Variants in TEX36 observed in about 807,000 individuals in gnomAD.
TEX36 encodes testis-expressed protein 36.
In TEX36, 12 loss-of-function variants were observed where a neutral mutation model predicts 13.6. That is an observed-to-expected ratio of 0.88 (90% CI 0.56 to 1.43). The LOEUF (loss-of-function observed/expected upper bound fraction) is 1.43, where lower values mean the gene tolerates loss of function less well. TEX36 is among the 40% of genes most tolerant of loss of function. The pLI is 0.00. For missense variants in TEX36, 224 were observed against 228.3 expected, an observed-to-expected ratio of 0.98 and a Z score of 0.12; for synonymous variants, 93 against 83.0, an observed-to-expected ratio of 1.12 and a Z score of -0.65.
downstream of TEX36, among the ~76,000 whole-genome samples, chr10:125,620,195 A>G (rs1846412603): frequency 6.6e-6 from 1 of 152,194 alleles, no homozygotes; most frequent in African/African-American, 2.4e-5. Flanking sequence ...ATATACTACT[A>G]CATTCCTTCC....
intron 3 of TEX36, among the ~76,000 whole-genome samples, chr10:125,613,217 CTTT>C (rs71029263): frequency 4.5e-4 from 52 of 116,776 alleles, no homozygotes; most frequent in African/African-American, 1.4e-3. Flanking sequence ...TCCCCACTTC[CTTT>C]TTTTTTTTTT....
At chr10:125,680,290 C>G (rs1382786233) in intron 1 of TEX36, among the ~76,000 whole-genome samples, 4 of 152,270 alleles carry the variant, frequency 2.6e-5, no homozygotes, top group East Asian at 1.9e-4. Context: ...AATGATGTCT[C>G]TCACCAGTTA....
intron 3 of TEX36, among the ~76,000 whole-genome samples, chr10:125,601,280 G>T (rs1290134991): frequency 6.6e-6 from 1 of 152,182 alleles, no homozygotes; most frequent in Non-Finnish European, 1.5e-5. Context: ...TAGTATTAAA[G>T]AAACTATAAT....
chr10:125,600,880 C>T lies in TEX36; in HGVS notation c.265-24006G>A, dbSNP rs116435508. On this transcript the variant is annotated intron_variant, in intron 3 of 3. Transcript: ENST00000532135. ...TGCAACTGTGAGACACTGAATACCG[C>T]GGCCCATTTCTATCTGGATCCTACC... Among the ~76,000 whole-genome samples, 330 of 152,332 alleles carry T rather than the reference C, an allele frequency of 2.2e-3. 1 individual carries two copies. Among genetic ancestry groups the T allele is most frequent in the African/African-American group, 7.2e-3 (299 of 41,578 alleles).
At chr10:125,618,592 G>A (rs1348224378), downstream of TEX36, among the ~76,000 whole-genome samples, 1 of 152,066 alleles carries the variant, frequency 6.6e-6, no homozygotes, top group Non-Finnish European at 1.5e-5. Context: ...TCTCAGTTAG[G>A]CTGCTCGGGG....
chr10:125,682,169 C>T (rs181251832), intron 1 of TEX36, among the ~76,000 whole-genome samples: 86 of 152,130 alleles, frequency 5.7e-4, no homozygotes, highest in African/African-American at 1.9e-3. Flanking sequence ...TGAGGCTTGT[C>T]GGCCATGAAA....
At chr10:125,661,778 G>A (rs143081958) in intron 2 of TEX36, 68 bp downstream of exon 2, 2 of 1,527,396 alleles carry the variant, frequency 1.3e-6, no homozygotes, top group Non-Finnish European at 1.8e-6. Flanking sequence ...TTGGCCCAAC[G>A]TGCCAGCGGC....
At chr10:125,637,323 A>G (rs1846634474) in intron 3 of TEX36, among the ~76,000 whole-genome samples, 1 of 151,696 alleles carries the variant, frequency 6.6e-6, no homozygotes, top group Admixed American at 6.6e-5. Flanking sequence ...AAAAAAAAAA[A>G]GTATAATTAT....
At chr10:125,615,127 G>C (rs1208601103) in intron 3 of TEX36, among the ~76,000 whole-genome samples, 1 of 152,116 alleles carries the variant, frequency 6.6e-6, no homozygotes, top group African/African-American at 2.4e-5. Flanking sequence ...TTTGTACATT[G>C]ATTTTGTATC....
At chr10:125,591,646 T>C (rs945925041) in intron 3 of TEX36, among the ~76,000 whole-genome samples, 14 of 152,216 alleles carry the variant, frequency 9.2e-5, no homozygotes, top group African/African-American at 3.1e-4. Flanking sequence ...CAATAGGAAA[T>C]TAGTGTTTCT....
chr10:125,642,336 C>G (rs539901532), intron 3 of TEX36, among the ~76,000 whole-genome samples: 15 of 152,336 alleles, frequency 9.8e-5, no homozygotes, highest in African/African-American at 3.1e-4. Flanking sequence ...TTGCAAGCCT[C>G]TGATGTCACA....
rs1019605228 is a variant in TEX36, at chr10:125,615,407, T to C, written c.265-38533A>G. Among the ~76,000 whole-genome samples, 188 of 152,188 alleles carry C rather than the reference T, an allele frequency of 1.2e-3. 1 individual carries two copies. The highest frequency in any genetic ancestry group is 4.3e-3 in the African/African-American group (179 of 41,542). ...CAGTTTTTGCCCATTCAGTATGATA[T>C]TGGCTGTGGGTTTGTCATAGATAGC... On this transcript the variant is annotated intron_variant, in intron 3 of 3. Coordinates refer to the TEX36 transcript ENST00000532135.
intron 3 of TEX36, among the ~76,000 whole-genome samples, chr10:125,648,351 T>G (rs1385163596): frequency 9.2e-5 from 14 of 152,220 alleles, no homozygotes; most frequent in Admixed American, 4.6e-4. Context: ...CTGCAATATT[T>G]GCTGTTCTGC....
downstream of TEX36, among the ~76,000 whole-genome samples, chr10:125,621,451 A>G (rs1846428751): frequency 6.6e-6 from 1 of 152,068 alleles, no homozygotes; most frequent in Non-Finnish European, 1.5e-5. Context: ...ATGATTAGTG[A>G]CATGTTTTCA....
At chr10:125,653,062 T>C (rs1268829024), downstream of TEX36, among the ~76,000 whole-genome samples, 2 of 152,190 alleles carry the variant, frequency 1.3e-5, no homozygotes, top group Admixed American at 6.5e-5. Flanking sequence ...GTTCAACCAT[T>C]GTGGAAAACA....
At chr10:125,657,711 G>C (rs986422273) in intron 3 of TEX36, among the ~76,000 whole-genome samples, 7 of 152,074 alleles carry the variant, frequency 4.6e-5, no homozygotes, top group African/African-American at 1.2e-4. Context: ...GGGAAATCAG[G>C]GCCACATCTT....
intron 3 of TEX36, among the ~76,000 whole-genome samples, chr10:125,603,923 C>G (rs1846181417): frequency 6.6e-6 from 1 of 152,148 alleles, no homozygotes; most frequent in Non-Finnish European, 1.5e-5. Context: ...CTCCAAATGT[C>G]TGGCTCTTGT....
chr10:125,580,256 T>C (rs1845867920), intron 3 of TEX36, among the ~76,000 whole-genome samples: 1 of 152,232 alleles, frequency 6.6e-6, no homozygotes, highest in African/African-American at 2.4e-5. Flanking sequence ...GAAAGTCTTA[T>C]TTCTAGTACA....
At chr10:125,681,312 A>C (rs185630817) in intron 1 of TEX36, among the ~76,000 whole-genome samples, 92 of 152,338 alleles carry the variant, frequency 6.0e-4, no homozygotes, top group Middle Eastern at 3.4e-3. Flanking sequence ...AAGAAATATA[A>C]ATCCCTATTT....
Sources: gnomAD v4.1 joint callset for allele counts (sites outside exome capture counted in the v4.1 genomes callset) on GRCh38, gnomAD v4.1.1 for gene constraint, MANE v1.5 for transcripts, NCBI Gene and HGNC (gene_info 2026-07-23, HGNC 2026-07-21) for gene names.